The following SNED1 variants were observed in gnomAD, a reference collection of about 807,000 sequenced individuals.
The protein encoded by SNED1 is sushi, nidogen and EGF-like domain-containing protein 1.
Under a neutral mutation model 166.7 loss-of-function variants are expected in SNED1, and 81 were observed. That is an observed-to-expected ratio of 0.49 (90% CI 0.41 to 0.58). SNED1 has a LOEUF of 0.58. Ranked by LOEUF, SNED1 falls within the 20% of genes least tolerant of loss-of-function variation. The probability of loss-of-function intolerance (pLI) is 0.00; values close to 1 mark genes in which losing one functional copy is unlikely to be tolerated. For synonymous variants in SNED1, 762 were observed against 822.0 expected, an observed-to-expected ratio of 0.93 and a Z score of 1.25; for missense variants, 1,604 against 2,000.2, an observed-to-expected ratio of 0.80 and a Z score of 3.78.
Position 241,067,825 on chromosome 2 carries a change from G to C in SNED1, c.3072G>C (p.Gln1024His). 1 of 1,613,576 alleles carries C rather than the reference G, an allele frequency of 6.2e-7. No homozygotes were observed. Among genetic ancestry groups the C allele is most frequent in the Non-Finnish European group, 8.5e-7 (1 of 1,179,842 alleles). Residue 1024 changes from glutamine (Q) to histidine (H), a missense_variant, in exon 22 of 32, where the codon CAG becomes CAC. Coordinates refer to ENST00000310397, the MANE Select transcript of SNED1 (RefSeq NM_001080437.3). ...TNVTASTISV[Q>H]WALHRIRHAT... ...TGACGGCTAGCACCATCTCAGTGCAGTGGGCCCTGCACAGGATCCGCCATG... is the reference window on the plus strand; with the variant it reads ...TGACGGCTAGCACCATCTCAGTGCACTGGGCCCTGCACAGGATCCGCCATG...
intron 8 of SNED1, among the ~76,000 whole-genome samples, chr2:241,045,351 T>G (rs2061618959): frequency 6.6e-6 from 1 of 152,136 alleles, no homozygotes; most frequent in African/African-American, 2.4e-5. Flanking sequence ...ACCAAAACAA[T>G]TTTGATGAAG....
At chr2:241,059,508 C>G (rs1559278572) in intron 16 of SNED1, among the ~76,000 whole-genome samples, 1 of 152,174 alleles carries the variant, frequency 6.6e-6, no homozygotes, top group Non-Finnish European at 1.5e-5. Flanking sequence ...ACTGGTATCT[C>G]TCAAGAACAT....
chr2:241,026,376 T>C (rs185328046), intron 1 of SNED1, among the ~76,000 whole-genome samples: 2 of 152,318 alleles, frequency 1.3e-5, no homozygotes, highest in East Asian at 3.9e-4. Flanking sequence ...TTGATGTCTT[T>C]CATCAGTTCT....
At position 241,072,088 on chromosome 2, in the gene SNED1, G is replaced by A. The variant is rs972973393; in HGVS notation, c.3817+210G>A. On this transcript the variant is annotated intron_variant, in intron 26 of 31. Coordinates refer to ENST00000310397, the MANE Select transcript of SNED1 (RefSeq NM_001080437.3). Reference sequence around the variant, plus strand: ...ATGGCAGGAGGGGCAGCTCGTGAGGGCCTCACGTCAGTGTGTGGGCTGGAG... The same window carrying A: ...ATGGCAGGAGGGGCAGCTCGTGAGGACCTCACGTCAGTGTGTGGGCTGGAG... The A allele has an allele frequency of 1.0e-5, 7 of 701,242 alleles. No homozygotes were observed. In the African/African-American group the frequency reaches 1.2e-4, roughly 12 times the overall value. The allele number at this position is 701,242 out of a possible 1,614,324, so 43.4% of individuals were successfully genotyped here. A position where few individuals can be genotyped will look rare whatever the true frequency, so the allele number is the denominator to read the frequency against.
At chr2:241,067,002 A>C (rs1478285595) in intron 21 of SNED1, among the ~76,000 whole-genome samples, 1 of 152,232 alleles carries the variant, frequency 6.6e-6, no homozygotes, top group African/African-American at 2.4e-5. Context: ...AGGTGTCAGC[A>C]GGAGCTGCCA....
chr2:241,078,201 G>C (rs1464662823), intron 27 of SNED1, among the ~76,000 whole-genome samples: 1 of 150,620 alleles, frequency 6.6e-6, no homozygotes, highest in African/African-American at 2.5e-5. Context: ...TGGCCAACGC[G>C]GTGAAACCCC....
chr2:241,057,412 T>TATATATATATATATATATATATGC (rs1553574678), intron 16 of SNED1, among the ~76,000 whole-genome samples: 1 of 129,382 alleles, frequency 7.7e-6, no homozygotes, highest in African/African-American at 3.0e-5. Flanking sequence ...TATATATATA[T>TATATATATATATATATATATATGC]GCCATACGCA....
chr2:241,037,696 G>C (rs2061416084), intron 6 of SNED1, among the ~76,000 whole-genome samples: 1 of 152,336 alleles, frequency 6.6e-6, no homozygotes, highest in South Asian at 2.1e-4. Context: ...TGGGGATGTG[G>C]TGGGGCCGTC....
At position 241,048,774 on chromosome 2, in the gene SNED1, C is replaced by T. The variant is rs1219969745; in HGVS notation, c.1504+8C>T. ...GGCTTCTCTGTGAATTTGGTAGGTG[C>T]CCAGGTCACCCTTCCTGCCCTGTCC... On this transcript the variant is annotated splice_region_variant and intron_variant, in intron 10 of 31. Transcript: ENST00000310397. 3 of 1,590,796 alleles carry T rather than the reference C, an allele frequency of 1.9e-6. No individual in the cohort carries two copies. The highest frequency in any genetic ancestry group is 2.6e-6 in the Non-Finnish European group (3 of 1,163,454).
At chr2:241,077,278 T>G (rs574854594) in intron 27 of SNED1, among the ~76,000 whole-genome samples, 3 of 152,228 alleles carry the variant, frequency 2.0e-5, no homozygotes, top group Non-Finnish European at 4.4e-5. Flanking sequence ...TTACCACAAA[T>G]TGACCAACAA....
At chr2:241,042,001 G>A (rs1432308848) in intron 8 of SNED1, among the ~76,000 whole-genome samples, 4 of 152,168 alleles carry the variant, frequency 2.6e-5, no homozygotes, top group Non-Finnish European at 4.4e-5. Context: ...ATCAAATGAG[G>A]TGAGCCCTAC....
Position 241,061,266 on chromosome 2 carries a change from G to T in SNED1, c.2258-1525G>T, listed in dbSNP as rs1035014781. On this transcript the variant is annotated intron_variant, in intron 16 of 31. Transcript: ENST00000310397. ...TACAAAAGGCCAACAAACATAAAAA[G>T]AAATATTCTATTTCATTAGTAATCA... Among the ~76,000 whole-genome samples the T allele has an allele frequency of 2.0e-5, 3 of 152,098 alleles. No homozygotes were observed. In the East Asian group the frequency reaches 5.8e-4, roughly 29 times the overall value.
intron 8 of SNED1, among the ~76,000 whole-genome samples, chr2:241,048,082 C>T (rs1055131782): frequency 2.6e-5 from 4 of 152,126 alleles, no homozygotes; most frequent in Non-Finnish European, 4.4e-5. Flanking sequence ...CTGTCCAATC[C>T]TGGGTGGTTT....
Position 241,064,086 on chromosome 2 carries a change from G to T in SNED1, c.2560G>T (p.Val854Phe). 1.3e-6 allele frequency: 2 copies of T among 1,569,502 alleles called. No homozygotes were observed. Among genetic ancestry groups the T allele is most frequent in the Non-Finnish European group, 1.7e-6 (2 of 1,158,778 alleles). ...CESGGGAYLC[V>F]CPESFFGYHC... Reference sequence around the variant, plus strand: ...GAGCGGCGGCGGGGCCTACCTGTGCGTCTGCCCAGAGAGCTTCTTCGGCTA... The same window carrying T: ...GAGCGGCGGCGGGGCCTACCTGTGCTTCTGCCCAGAGAGCTTCTTCGGCTA... The change falls in exon 19 of 32, where the codon GTC (valine) becomes TTC (phenylalanine). Residue 854 changes from valine to phenylalanine, a missense_variant. Around this residue, in one of 2 missense-constraint regions of SNED1, gnomAD observed 1,237 missense variants for 1,620.8 expected, o/e 0.76. Transcript: ENST00000310397. This position sits in a 1 kb window ranked among gnomAD's most constrained non-coding sequence, Gnocchi z 7.0.
intron 1 of SNED1, among the ~76,000 whole-genome samples, chr2:241,025,481 G>T (rs987667771): frequency 6.6e-6 from 1 of 152,110 alleles, no homozygotes; most frequent in Non-Finnish European, 1.5e-5. Context: ...ACTTCAACAT[G>T]ATTTGTCATC....
chr2:241,071,464 C>G, intron 24 of SNED1, 112 bp from the exon 25 acceptor site: 1 of 1,299,424 alleles, frequency 7.7e-7, no homozygotes. Flanking sequence ...ACATGCCCCC[C>G]TTCCCTTCTC....
chr2:241,069,567 A>G lies in SNED1; in HGVS notation c.3308-353A>G, dbSNP rs1040482638. On this transcript the variant is annotated intron_variant, in intron 23 of 31. Coordinates refer to ENST00000310397, the MANE Select transcript of SNED1 (RefSeq NM_001080437.3). This position sits in a 1 kb window ranked among gnomAD's most constrained non-coding sequence, Gnocchi z 4.9. ...TGCACTCAGATGCTGCCCGCCTGGC[A>G]TGGGAAAGGCTGGTGGGGCAGGGGA... 6.6e-6 allele frequency among the ~76,000 whole-genome samples: 1 copy of G among 152,174 alleles called. No individual in the cohort carries two copies. The highest frequency in any genetic ancestry group is 2.4e-5 in the African/African-American group (1 of 41,448).
chr2:241,040,113 G>A lies in SNED1; in HGVS notation c.1084G>A (p.Gly362Ser). Residue 362 changes from glycine (G) to serine (S), a missense_variant, in exon 7 of 32, where the codon GGC (glycine) becomes AGC (serine). This residue lies in a region of SNED1 where 1,237 missense variants were observed against 1,620.8 expected (regional missense o/e 0.76). Coordinates refer to ENST00000310397, the MANE Select transcript of SNED1 (RefSeq NM_001080437.3). ...PCDTKECQHGGQCQVENGSAV... is the reference protein window; with the variant it reads ...PCDTKECQHGSQCQVENGSAV... ...TGACACCAAAGAGTGTCAACATGGT[G>A]GCCAGTGCCAGGTGGAGAATGGCTC... 1 of 1,600,144 alleles carries A rather than the reference G, an allele frequency of 6.2e-7. No homozygotes were observed. Among genetic ancestry groups the A allele is most frequent in the Admixed American group, 1.7e-5 (1 of 58,306 alleles).
chr2:241,036,666 T>C lies in SNED1; in HGVS notation c.806-124T>C, dbSNP rs185407018. On this transcript the variant is annotated intron_variant, in intron 4 of 31. Coordinates refer to ENST00000310397, the MANE Select transcript of SNED1 (RefSeq NM_001080437.3). ...CTGAAACCTGGCTGCTTTGCTGCGGTCACCCGGGCACCCAGAGGCCGACCT... is the reference window on the plus strand; with the variant it reads ...CTGAAACCTGGCTGCTTTGCTGCGGCCACCCGGGCACCCAGAGGCCGACCT... 8,257 of 1,286,566 alleles carry C rather than the reference T, an allele frequency of 6.4e-3. 34 individuals carry two copies. Among genetic ancestry groups the C allele is most frequent in the Non-Finnish European group, 7.8e-3 (7,217 of 923,334 alleles). 79.7% of individuals were successfully genotyped at this position (1,286,566 alleles called of 1,614,324 possible). A position where few individuals can be genotyped will look rare whatever the true frequency, so the allele number is the denominator to read the frequency against.
Sources: allele counts gnomAD v4.1 joint callset (sites outside exome capture counted in the v4.1 genomes callset), GRCh38; gene constraint gnomAD v4.1.1; regional missense constraint gnomAD v4.1.1; non-coding constraint Gnocchi (gnomAD v3.1); transcripts MANE v1.5; gene names NCBI Gene and HGNC (gene_info 2026-07-23, HGNC 2026-07-21).